The following MARK3 variants were observed in gnomAD, a reference collection of about 807,000 sequenced individuals.
The protein encoded by MARK3 is MAP/microtubule affinity-regulating kinase 3.
Under a neutral mutation model 90.1 loss-of-function variants are expected in MARK3, and 46 were observed. The ratio of observed to expected loss-of-function variants is 0.51; its 90% confidence interval spans 0.40 to 0.65. The LOEUF is 0.65. Ranked by LOEUF, MARK3 falls within the 30% of genes least tolerant of loss-of-function variation. The probability of loss-of-function intolerance (pLI) is 0.00; values close to 1 mark genes in which losing one functional copy is unlikely to be tolerated. For synonymous variants in MARK3, 321 were observed against 332.6 expected, an observed-to-expected ratio of 0.97 and a Z score of 0.38; for missense variants, 818 against 947.2, an observed-to-expected ratio of 0.86 and a Z score of 1.79.
At chr14:103,413,037 G>A (rs184537476) in intron 2 of MARK3, among the ~76,000 whole-genome samples, 2 of 151,930 alleles carry the variant, frequency 1.3e-5, no homozygotes, top group South Asian at 2.1e-4. Flanking sequence ...ACCATGCCCG[G>A]CTAATTTTTG....
intron 6 of MARK3, among the ~76,000 whole-genome samples, chr14:103,462,002 C>T (rs1403071289): frequency 6.7e-6 from 1 of 148,916 alleles, no homozygotes; most frequent in African/African-American, 2.5e-5. Flanking sequence ...TGCCATTGCA[C>T]TCTAGCCTGG....
At position 103,465,987 on chromosome 14, in the gene MARK3, G is replaced by A; in HGVS notation, c.793G>A (p.Val265Ile). The A allele has an allele frequency of 6.2e-7, 1 of 1,613,726 alleles. No individual in the cohort carries two copies. Reference protein sequence around the residue: ...GQNLKELRERVLRGKYRIPFY... With the variant: ...GQNLKELRERILRGKYRIPFY... ...CTCTCCAAAGGAACTGAGAGAGAGA[G>A]TATTAAGAGGGAAATACAGAATTCC... is the stretch of plus-strand genomic sequence containing the variant. Residue 265 changes from valine to isoleucine, a missense_variant, in exon 9 of 18, where the codon GTA becomes ATA. Coordinates refer to ENST00000429436, the MANE Select transcript of MARK3 (RefSeq NM_001128918.3).
intron 12 of MARK3, among the ~76,000 whole-genome samples, chr14:103,469,861 G>T (rs989984613): frequency 4.0e-5 from 6 of 151,706 alleles, no homozygotes; most frequent in African/African-American, 7.3e-5. Context: ...AGGAGTTCGA[G>T]ACTAGCCTGA....
At chr14:103,432,727 G>A (rs1189203796) in intron 3 of MARK3, among the ~76,000 whole-genome samples, 1 of 152,116 alleles carries the variant, frequency 6.6e-6, no homozygotes. Flanking sequence ...GTGGTGGTGT[G>A]TACCTGTAGT....
intron 14 of MARK3, among the ~76,000 whole-genome samples, chr14:103,487,071 C>T (rs2093943222): frequency 6.6e-6 from 1 of 151,702 alleles, no homozygotes; most frequent in African/African-American, 2.4e-5. Flanking sequence ...GGCCCGCCAC[C>T]ACACCCAACT....
chr14:103,495,001 T>C (rs2075259011), intron 15 of MARK3, among the ~76,000 whole-genome samples: 1 of 152,222 alleles, frequency 6.6e-6, no homozygotes, highest in South Asian at 2.1e-4. Context: ...ATTATATATA[T>C]GCATATTTTA....
rs33989397 is a variant in MARK3, at chr14:103,474,052, C to CA, written c.1265-929dup. Among the ~76,000 whole-genome samples the CA allele has an allele frequency of 6.4e-3, 880 of 137,678 alleles. 9 individuals are homozygous for CA. Among genetic ancestry groups the CA allele is most frequent in the Middle Eastern group, 0.012 (3 of 260 alleles). The allele number at this position is 137,678 out of a possible 152,430, so 90.3% of individuals were successfully genotyped here. Reference sequence around the variant, plus strand: ...TCTACTAAAAAAAAAAAAATATATACAAAAAAAAAAAATTAGTTGGCATGC... The same window carrying CA: ...TCTACTAAAAAAAAAAAAATATATACAAAAAAAAAAAAATTAGTTGGCATGC... On this transcript the variant is annotated intron_variant, in intron 12 of 17. Coordinates refer to ENST00000429436, the MANE Select transcript of MARK3 (RefSeq NM_001128918.3).
chr14:103,493,294 G>T lies in MARK3; in HGVS notation c.1844+1260G>T, dbSNP rs552799057. 7.5e-5 allele frequency among the ~76,000 whole-genome samples: 9 copies of T among 120,670 alleles called. No homozygotes were observed. In the South Asian group the frequency reaches 2.0e-3, roughly 27 times the overall value. 79.2% of individuals were successfully genotyped at this position (120,670 alleles called of 152,430 possible). ...TTTTTTGAGACGGAGTCTCACTGTC[G>T]CCAAGGCTGGAGTGCAGTGGTGCAA... On this transcript the variant is annotated intron_variant, in intron 15 of 17. Coordinates refer to ENST00000429436, the MANE Select transcript of MARK3 (RefSeq NM_001128918.3).
chr14:103,392,935 A>G (rs1242936654), intron 1 of MARK3, among the ~76,000 whole-genome samples: 1 of 151,342 alleles, frequency 6.6e-6, no homozygotes, highest in East Asian at 1.9e-4. Flanking sequence ...TCAGCCTCCC[A>G]GGTAGCTAGG....
chr14:103,455,470 T>C (rs566819700), intron 5 of MARK3, among the ~76,000 whole-genome samples: 91 of 152,182 alleles, frequency 6.0e-4, no homozygotes, highest in Non-Finnish European at 1.1e-3. Flanking sequence ...CTCACGCGTG[T>C]AATCCCAGCA....
rs372379690 is a variant in MARK3 at position 103,468,128 on chromosome 14, C to T, written c.1206C>T (p.His402=). The T allele has an allele frequency of 6.2e-6, 10 of 1,613,788 alleles. No individual in the cohort carries two copies. The highest frequency in any genetic ancestry group is 7.6e-6 in the Non-Finnish European group (9 of 1,179,924). ...DLNNSTGQSP[H]HKVQRSVSSS... is the part of the protein sequence containing the mutation. ...ACAACAGTACTGGCCAGTCTCCTCA[C>T]CACAAAGTGCAGAGAAGTGTTTCTT... The change falls in exon 12 of 18, where the codon CAC becomes CAT. Residue 402 remains histidine (H), a synonymous_variant. Coordinates refer to ENST00000429436, the MANE Select transcript of MARK3 (RefSeq NM_001128918.3).
intron 1 of MARK3, among the ~76,000 whole-genome samples, chr14:103,401,705 G>A (rs1227153351): frequency 6.6e-6 from 1 of 152,160 alleles, no homozygotes; most frequent in East Asian, 1.9e-4. Flanking sequence ...GGAAGGGAGT[G>A]CAGTCCTCCA....
chr14:103,466,294 A>G, intron 9 of MARK3, 49 bp from the exon 10 acceptor site: 1 of 1,405,792 alleles, frequency 7.1e-7, no homozygotes, highest in East Asian at 2.3e-5. Flanking sequence ...TATTACGGTT[A>G]TCAGAATATT....
intron 15 of MARK3, among the ~76,000 whole-genome samples, chr14:103,496,417 CTT>C (rs34504040): frequency 1.4e-5 from 2 of 145,930 alleles, no homozygotes; most frequent in Non-Finnish European, 1.5e-5. Context: ...CCCATCTCTA[CTT>C]TTTTTTTTTT....
At chr14:103,391,653 T>TCGTGC (rs1029969017) in intron 1 of MARK3, among the ~76,000 whole-genome samples, 14 of 150,860 alleles carry the variant, frequency 9.3e-5, no homozygotes, top group African/African-American at 3.4e-4. Context: ...CAAGCGATTG[T>TCGTGC]CGTGCGCAGC....
chr14:103,388,520 C>G (rs1413661840), intron 1 of MARK3, among the ~76,000 whole-genome samples: 1 of 152,124 alleles, frequency 6.6e-6, no homozygotes, highest in Non-Finnish European at 1.5e-5. Flanking sequence ...AACCTTTTTT[C>G]TTAAAGTTAG....
intron 2 of MARK3, among the ~76,000 whole-genome samples, chr14:103,419,651 A>T (rs1440141962): frequency 2.0e-5 from 3 of 152,156 alleles, no homozygotes; most frequent in African/African-American, 7.2e-5. Context: ...GGAAGGGAGC[A>T]TATTAATACC....
chr14:103,502,881 G>A lies in MARK3; in HGVS notation c.1917-1G>A. On this transcript the variant is annotated splice_acceptor_variant, in intron 17 of 17. Transcript: ENST00000429436. LOFTEE classifies it high-confidence loss of function. ...AATAAACCTGCCTCTATGCATTTCAGTCGCAATGTATCTGCTGAGCAAAAA... is the reference window on the plus strand; with the variant it reads ...AATAAACCTGCCTCTATGCATTTCAATCGCAATGTATCTGCTGAGCAAAAA... 1 of 1,604,202 alleles carries A rather than the reference G, an allele frequency of 6.2e-7. No individual in the cohort carries two copies. The highest frequency in any genetic ancestry group is 8.5e-7 in the Non-Finnish European group (1 of 1,172,658).
rs1325713409 is a variant in MARK3 at position 103,491,876 on chromosome 14, T to G, written c.1686T>G (p.Arg562=). 5.6e-6 allele frequency: 9 copies of G among 1,614,060 alleles called. No homozygotes were observed. Among genetic ancestry groups the G allele is most frequent in the Non-Finnish European group, 6.8e-6 (8 of 1,180,046 alleles). ...GCTTCCCAAGAGGCACTGCCAGTCG[T>G]AGCACTTTCCACGGCCAGCCCCGGG... is the stretch of plus-strand genomic sequence containing the variant. ...RIRFPRGTAS[R]STFHGQPRER... is the part of the protein sequence containing the mutation. The change falls in exon 15 of 18, where the codon CGT becomes CGG. Residue 562 remains arginine (R), a synonymous_variant. Coordinates refer to ENST00000429436, the MANE Select transcript of MARK3 (RefSeq NM_001128918.3).
Sources: allele counts gnomAD v4.1 joint callset (sites outside exome capture counted in the v4.1 genomes callset), GRCh38; gene constraint gnomAD v4.1.1; transcripts MANE v1.5; gene names NCBI Gene and HGNC (gene_info 2026-07-23, HGNC 2026-07-21).